Variants in KSR2 observed in about 807,000 individuals in gnomAD.
The protein encoded by KSR2 is kinase suppressor of ras 2.
A neutral mutation model predicts 107.8 loss-of-function variants in KSR2; 25 were observed. The ratio of observed to expected loss-of-function variants is 0.23; its 90% CI spans 0.17 to 0.32. KSR2 has a LOEUF of 0.32. Ranked by LOEUF, KSR2 falls within the 10% of genes least tolerant of loss-of-function variation. KSR2 has a pLI of 1.00. For missense variants in KSR2, 887 were observed against 1,268.9 expected, an observed-to-expected ratio of 0.70 and a Z score of 4.57; for synonymous variants, 480 against 507.0, an observed-to-expected ratio of 0.95 and a Z score of 0.71.
intron 14 of KSR2, among the ~76,000 whole-genome samples, chr12:117,496,047 C>T (rs1431166567): frequency 5.8e-5 from 6 of 103,336 alleles, no homozygotes; most frequent in Admixed American, 1.0e-4. Flanking sequence ...AGGGAGACTC[C>T]GTCTCAAAAA....
chr12:117,929,321 TC>T (rs1282328135), intron 1 of KSR2, among the ~76,000 whole-genome samples: 1 of 152,154 alleles, frequency 6.6e-6, no homozygotes, highest in Non-Finnish European at 1.5e-5. Flanking sequence ...GGGGGTGGTT[TC>T]CCCCATACTG....
chr12:117,653,501 A>T (rs1256270387), intron 5 of KSR2, among the ~76,000 whole-genome samples: 2 of 152,266 alleles, frequency 1.3e-5, no homozygotes, highest in African/African-American at 4.8e-5. Flanking sequence ...ACACTGGTCC[A>T]TTACATGATG....
chr12:117,848,840 G>A (rs567497048), intron 3 of KSR2, among the ~76,000 whole-genome samples: 1 of 99,454 alleles, frequency 1.0e-5, no homozygotes, highest in Non-Finnish European at 2.6e-5. Context: ...TGGTAGTGGT[G>A]GTGATGGTGA....
chr12:117,819,991 C>T (rs917978109), intron 3 of KSR2, among the ~76,000 whole-genome samples: 4 of 152,066 alleles, frequency 2.6e-5, no homozygotes, highest in Non-Finnish European at 4.4e-5. Flanking sequence ...ATTTTGAAAG[C>T]ATTTTTAAAT....
intron 3 of KSR2, among the ~76,000 whole-genome samples, chr12:117,796,712 A>G (rs774441282): frequency 6.6e-6 from 1 of 152,178 alleles, no homozygotes; most frequent in Non-Finnish European, 1.5e-5. Flanking sequence ...GGAAGGGCTC[A>G]CAAGATGCAA....
At chr12:117,922,048 T>C (rs1202821489) in intron 1 of KSR2, among the ~76,000 whole-genome samples, 1 of 152,154 alleles carries the variant, frequency 6.6e-6, no homozygotes, top group African/African-American at 2.4e-5. Flanking sequence ...AAGACTCTAA[T>C]AGAAGCAGTC....
At chr12:117,785,568 C>G (rs949466366) in intron 3 of KSR2, among the ~76,000 whole-genome samples, 3 of 151,702 alleles carry the variant, frequency 2.0e-5, no homozygotes, top group African/African-American at 7.3e-5. Context: ...GAAAAGATAG[C>G]AATTTTCATA....
chr12:117,596,982 C>T lies in KSR2; in HGVS notation c.1172-14623G>A, dbSNP rs147646883. ...CTTTTTCTGGAATGGTGATTTTAGC[C>T]TCTTCCATACACCGTTTTTGGGCTT... On this transcript the variant is annotated intron_variant, in intron 5 of 19. Transcript: ENST00000339824. 6.6e-5 allele frequency among the ~76,000 whole-genome samples: 10 copies of T among 152,306 alleles called. 1 individual carries two copies. The East Asian group carries it at 1.9e-3, about 29-fold the overall frequency.
chr12:117,819,668 G>A (rs1412110417), intron 3 of KSR2, among the ~76,000 whole-genome samples: 1 of 152,158 alleles, frequency 6.6e-6, no homozygotes, highest in African/African-American at 2.4e-5. Context: ...AATATTCAGA[G>A]TAGTAGTGTC....
chr12:117,792,892 A>T (rs566693188), intron 3 of KSR2, among the ~76,000 whole-genome samples: 49 of 151,016 alleles, frequency 3.2e-4, no homozygotes, highest in African/African-American at 1.1e-3. Flanking sequence ...CACACACAAC[A>T]TGCAGACCCT....
At chr12:117,755,749 C>T (rs1888768383) in intron 4 of KSR2, among the ~76,000 whole-genome samples, 1 of 152,170 alleles carries the variant, frequency 6.6e-6, no homozygotes, top group Non-Finnish European at 1.5e-5. Flanking sequence ...GAAGATACGT[C>T]AAAAGCCAAA....
intron 5 of KSR2, among the ~76,000 whole-genome samples, chr12:117,640,708 C>T (rs1443876674): frequency 6.6e-6 from 1 of 152,186 alleles, no homozygotes; most frequent in East Asian, 1.9e-4. Flanking sequence ...CCTGGGCCCC[C>T]GTGGACAGCA....
At chr12:117,784,843 G>T (rs754260056) in intron 3 of KSR2, among the ~76,000 whole-genome samples, 11 of 152,140 alleles carry the variant, frequency 7.2e-5, no homozygotes, top group Non-Finnish European at 8.8e-5. Context: ...TGTGTGAAAT[G>T]CTGCCCACAC....
chr12:117,651,698 A>G (rs1883912906), intron 5 of KSR2, among the ~76,000 whole-genome samples: 1 of 152,236 alleles, frequency 6.6e-6, no homozygotes, highest in Admixed American at 6.5e-5. Flanking sequence ...GAAGAGATCC[A>G]AAGGCTCAGG....
At chr12:117,762,771 G>A (rs1216319726) in intron 3 of KSR2, among the ~76,000 whole-genome samples, 1 of 151,872 alleles carries the variant, frequency 6.6e-6, no homozygotes, top group Non-Finnish European at 1.5e-5. Context: ...GAAGGCTGAG[G>A]CAATAAGAAT....
intron 3 of KSR2, among the ~76,000 whole-genome samples, chr12:117,792,714 T>G: frequency 6.6e-6 from 1 of 152,204 alleles, no homozygotes; most frequent in East Asian, 1.9e-4. Context: ...GGCTGCTATT[T>G]CTCCAGACCT....
intron 3 of KSR2, among the ~76,000 whole-genome samples, chr12:117,852,242 G>C (rs372442734): frequency 5.3e-5 from 8 of 150,662 alleles, no homozygotes; most frequent in African/African-American, 1.9e-4. Flanking sequence ...GGGCAACACG[G>C]TGAAACCTCG....
chr12:117,869,575 G>A (rs1893585817), intron 1 of KSR2, among the ~76,000 whole-genome samples: 2 of 152,148 alleles, frequency 1.3e-5, no homozygotes, highest in African/African-American at 2.4e-5. Flanking sequence ...GGCTTTCTGT[G>A]GACGATTTCT....
At chr12:117,533,397 C>T (rs1401235836) in intron 10 of KSR2, among the ~76,000 whole-genome samples, 1 of 152,240 alleles carries the variant, frequency 6.6e-6, no homozygotes, top group Non-Finnish European at 1.5e-5. Context: ...TTAACCAACT[C>T]TCTTTATCAC....
Sources: gnomAD v4.1 joint callset for allele counts (sites outside exome capture counted in the v4.1 genomes callset) on GRCh38, gnomAD v4.1.1 for gene constraint, MANE v1.5 for transcripts, NCBI Gene and HGNC (gene_info 2026-07-23, HGNC 2026-07-21) for gene names.